Variants in TFEC observed in about 807,000 individuals in gnomAD.
TFEC encodes the protein class E basic helix-loop-helix protein 34.
In TFEC, 31 loss-of-function variants were observed where a neutral mutation model predicts 41.6. That is an observed-to-expected ratio of 0.74 (90% CI 0.56 to 1.01). The LOEUF is 1.01. TFEC is among the 50% of genes least tolerant of loss of function. The probability of loss-of-function intolerance (pLI) is 0.00; values close to 1 mark genes in which losing one functional copy is unlikely to be tolerated. For missense variants in TFEC, 402 were observed against 404.1 expected, an observed-to-expected ratio of 0.99 and a Z score of 0.04; for synonymous variants, 143 against 140.6, an observed-to-expected ratio of 1.02 and a Z score of -0.12.
intron 1 of TFEC, among the ~76,000 whole-genome samples, chr7:116,146,730 T>C (rs1404210857): frequency 6.6e-6 from 1 of 152,012 alleles, no homozygotes; most frequent in Non-Finnish European, 1.5e-5. Flanking sequence ...GAACAAACAA[T>C]CATGAGGGAG....
intron 1 of TFEC, among the ~76,000 whole-genome samples, chr7:116,023,213 C>G (rs1044447570): frequency 6.6e-6 from 1 of 152,126 alleles, no homozygotes; most frequent in Non-Finnish European, 1.5e-5. Context: ...TTATCTATCA[C>G]ATCCAGAAAC....
chr7:116,146,332 C>A (rs1241729897), intron 1 of TFEC, among the ~76,000 whole-genome samples: 1 of 152,092 alleles, frequency 6.6e-6, no homozygotes, highest in African/African-American at 2.4e-5. Flanking sequence ...GAAAACCTAC[C>A]AAAACCAGGA....
intron 1 of TFEC, among the ~76,000 whole-genome samples, chr7:115,986,847 A>T (rs1214068250): frequency 6.6e-6 from 1 of 151,968 alleles, no homozygotes; most frequent in Non-Finnish European, 1.5e-5. Flanking sequence ...AACATGGCAC[A>T]TGTATACATA....
intron 1 of TFEC, among the ~76,000 whole-genome samples, chr7:116,027,081 C>T (rs1314958664): frequency 6.6e-6 from 1 of 152,118 alleles, no homozygotes; most frequent in Admixed American, 6.5e-5. Flanking sequence ...TTTGAGTCTA[C>T]ACAGGGTCAA....
intron 3 of TFEC, among the ~76,000 whole-genome samples, chr7:116,093,581 CT>C (rs1412601254): frequency 2.0e-5 from 3 of 152,022 alleles, no homozygotes; most frequent in Non-Finnish European, 4.4e-5. Context: ...AATTTTATCA[CT>C]TTTTCACTGT....
In TFEC at chr7:115,984,360, G is replaced by A. The variant is rs779421406; in HGVS notation, c.82C>T (p.His28Tyr). ...TCACTGTCCAGAGTTGTGTGTGCAT[G>A]CTGCACAAGAGGCCCACCACTTGGC... ...AVPSGGPLVQHAHTTLDSDAG... is the reference protein window; with the variant it reads ...AVPSGGPLVQYAHTTLDSDAG... The change falls in exon 2 of 8, where the codon CAT becomes TAT. Residue 28 changes from histidine (H) to tyrosine (Y), a missense_variant. Coordinates refer to ENST00000265440, the MANE Select transcript of TFEC (RefSeq NM_012252.4). The A allele has an allele frequency of 4.3e-6, 7 of 1,614,014 alleles. No individual in the cohort carries two copies. In the Admixed American group the frequency reaches 1.0e-4, roughly 23 times the overall value.
At chr7:116,070,960 T>C (rs1257837179) in intron 3 of TFEC, among the ~76,000 whole-genome samples, 1 of 151,356 alleles carries the variant, frequency 6.6e-6, no homozygotes, top group Non-Finnish European at 1.5e-5. Flanking sequence ...ATTCAATTAA[T>C]GCACAATCAA....
At chr7:116,085,839 T>A (rs1030389637) in intron 3 of TFEC, among the ~76,000 whole-genome samples, 1 of 151,882 alleles carries the variant, frequency 6.6e-6, no homozygotes, top group Non-Finnish European at 1.5e-5. Context: ...ACTTTTCAGA[T>A]TGACCTTTTG....
At chr7:115,971,053 A>G (rs1403766918) in intron 3 of TFEC, among the ~76,000 whole-genome samples, 2 of 152,186 alleles carry the variant, frequency 1.3e-5, no homozygotes, top group Admixed American at 6.6e-5. Context: ...TTTAATAAAC[A>G]TCTGTTAATT....
At chr7:116,012,960 G>A (rs1456945167) in intron 1 of TFEC, among the ~76,000 whole-genome samples, 1 of 151,694 alleles carries the variant, frequency 6.6e-6, no homozygotes, top group African/African-American at 2.4e-5. Flanking sequence ...ATAATAAAAT[G>A]TCATGATTAG....
rs1796464379 is a variant in TFEC at position 116,057,809 on chromosome 7, T to C, written c.198+52899A>G. The stretch of plus-strand genomic sequence containing the variant: ...TTCTTATACTATATGTAAAGAGGTA[T>C]AATATAACTTGAAAAATTGTGGTAA... On this transcript the variant is annotated intron_variant, in intron 3 of 8. Transcript: ENST00000484212. Among the ~76,000 whole-genome samples the C allele has an allele frequency of 3.3e-5, 5 of 151,946 alleles. No homozygotes were observed. The South Asian group carries it at 1.0e-3, about 31-fold the overall frequency.
chr7:115,969,091 A>C (rs1793011253), intron 3 of TFEC, among the ~76,000 whole-genome samples: 1 of 151,796 alleles, frequency 6.6e-6, no homozygotes, highest in Non-Finnish European at 1.5e-5. Context: ...ATTATAATGA[A>C]AACAATTATT....
intron 1 of TFEC, among the ~76,000 whole-genome samples, chr7:116,027,009 T>C (rs1375791879): frequency 6.6e-6 from 1 of 152,086 alleles, no homozygotes; most frequent in East Asian, 1.9e-4. Context: ...AGGCTGGGGG[T>C]GAAAATGTTG....
Position 115,956,760 on chromosome 7 carries a change from C to T in TFEC, c.301G>A (p.Glu101Lys). The T allele has an allele frequency of 6.3e-7, 1 of 1,596,490 alleles. No individual in the cohort carries two copies. The highest frequency in any genetic ancestry group is 8.5e-7 in the Non-Finnish European group (1 of 1,171,248). The change falls in exon 4 of 8, where the codon GAA becomes AAA. Residue 101 changes from glutamate (E) to lysine (K), a missense_variant. Transcript: ENST00000265440. Reference protein sequence around the residue: ...SGSILDVYSGEQGISPINMGL... With the variant: ...SGSILDVYSGKQGISPINMGL... ...ATGTTAATTGGTGAAATTCCTTGTTCACCGCTATACACATCCAAAATACTT... is the reference window on the plus strand; with the variant it reads ...ATGTTAATTGGTGAAATTCCTTGTTTACCGCTATACACATCCAAAATACTT...
At chr7:116,062,371 C>T (rs13225313) in intron 3 of TFEC, among the ~76,000 whole-genome samples, 35,172 of 149,598 alleles carry the variant, frequency 0.24, 5,107 homozygotes, top group Non-Finnish European at 0.32. Context: ...GCATGAGCCA[C>T]AGTGCCTGGC....
chr7:116,137,822 A>G (rs1293924277), intron 1 of TFEC, among the ~76,000 whole-genome samples: 1 of 152,122 alleles, frequency 6.6e-6, no homozygotes, highest in African/African-American at 2.4e-5. Flanking sequence ...TTGATAATCA[A>G]CTTAAATGAT....
intron 1 of TFEC, among the ~76,000 whole-genome samples, chr7:116,150,214 T>C (rs953950766): frequency 2.0e-5 from 3 of 152,184 alleles, no homozygotes; most frequent in African/African-American, 7.2e-5. Flanking sequence ...TAGTCTTGTA[T>C]TTCTTACTTA....
chr7:115,960,083 G>A (rs1467392274), intron 3 of TFEC, among the ~76,000 whole-genome samples: 1 of 151,028 alleles, frequency 6.6e-6, no homozygotes, highest in Non-Finnish European at 1.5e-5. Context: ...GAAAAGACCT[G>A]CATTCAGATA....
chr7:116,004,986 G>T (rs1031812565), intron 1 of TFEC, among the ~76,000 whole-genome samples: 3 of 152,074 alleles, frequency 2.0e-5, no homozygotes, highest in Non-Finnish European at 4.4e-5. Flanking sequence ...TTTCATAAGG[G>T]GGAGTTTCCC....
Sources: gnomAD v4.1 joint callset for allele counts (sites outside exome capture counted in the v4.1 genomes callset) on GRCh38, gnomAD v4.1.1 for gene constraint, MANE v1.5 for transcripts, NCBI Gene and HGNC (gene_info 2026-07-23, HGNC 2026-07-21) for gene names.